The following YAP1 variants were observed in gnomAD, a reference collection of about 807,000 sequenced individuals.
The protein encoded by YAP1 is transcriptional coactivator YAP1.
YAP1 carries 5 observed loss-of-function variants against 56.9 expected under a neutral mutation model. The observed-to-expected ratio is 0.09, with a 90% CI of 0.05 to 0.18. The LOEUF (loss-of-function observed/expected upper bound fraction) is 0.18. Ranked by LOEUF, YAP1 falls within the 10% of genes least tolerant of loss-of-function variation. YAP1 has a pLI of 1.00. For synonymous variants in YAP1, 265 were observed against 248.1 expected, an observed-to-expected ratio of 1.07 and a Z score of -0.64; for missense variants, 539 against 651.8, an observed-to-expected ratio of 0.83 and a Z score of 1.88.
At chr11:102,183,799 G>A (rs369774808) in intron 3 of YAP1, among the ~76,000 whole-genome samples, 2 of 151,698 alleles carry the variant, frequency 1.3e-5, no homozygotes, top group African/African-American at 2.4e-5. Flanking sequence ...AATGAGGGCC[G>A]GGCGCGGTGG....
chr11:102,177,762 G>C (rs1830939780), intron 3 of YAP1, among the ~76,000 whole-genome samples: 1 of 152,082 alleles, frequency 6.6e-6, no homozygotes, highest in Middle Eastern at 3.2e-3. Flanking sequence ...CAAAATATGG[G>C]AACATATCTT....
intron 4 of YAP1, among the ~76,000 whole-genome samples, chr11:102,189,126 G>A (rs1056586058): frequency 6.6e-6 from 1 of 151,786 alleles, no homozygotes; most frequent in African/African-American, 2.4e-5. Flanking sequence ...TCAAGAAAAT[G>A]GTTCCTTGAG....
rs1196220479 is a variant in YAP1, at chr11:102,223,635, G to A, written c.1046G>A (p.Arg349His). The change falls in exon 7 of 9, where the codon CGT becomes CAT. Residue 349 changes from arginine to histidine, a missense_variant. By Grantham distance (29) the Arg-to-His change is conservative. This residue lies in a region of YAP1 where 414 missense variants were observed against 512.4 expected (regional missense o/e 0.81). Transcript: ENST00000282441. ...ATTTTTAATTAGGAGTTAGCCCTGCGTAGCCAGTTACCAACACTGGAGCAG... is the reference window on the plus strand; with the variant it reads ...ATTTTTAATTAGGAGTTAGCCCTGCATAGCCAGTTACCAACACTGGAGCAG... Reference protein sequence around the residue: ...NSPKCQELALRSQLPTLEQDG... With the variant: ...NSPKCQELALHSQLPTLEQDG... The A allele has an allele frequency of 1.9e-6, 3 of 1,613,994 alleles. No individual in the cohort carries two copies. The highest frequency in any genetic ancestry group is 1.7e-5 in the Admixed American group (1 of 59,994).
At chr11:102,115,792 ATG>A (rs1162226713) in intron 2 of YAP1, among the ~76,000 whole-genome samples, 2 of 152,136 alleles carry the variant, frequency 1.3e-5, no homozygotes, top group Non-Finnish European at 2.9e-5. Context: ...GCTGTGAAGG[ATG>A]TGTCTTGAAG....
chr11:102,152,964 C>T (rs1945749965), intron 2 of YAP1, among the ~76,000 whole-genome samples: 1 of 152,152 alleles, frequency 6.6e-6, no homozygotes, highest in South Asian at 2.1e-4. Flanking sequence ...TCCTCAAAGA[C>T]TTGACAGGAG....
At chr11:102,148,309 A>G (rs1180959820) in intron 2 of YAP1, among the ~76,000 whole-genome samples, 1 of 152,160 alleles carries the variant, frequency 6.6e-6, no homozygotes, top group Non-Finnish European at 1.5e-5. Context: ...GCCTAAGAAG[A>G]TCATTGGTTT....
At chr11:102,140,777 A>G (rs1489134377) in intron 2 of YAP1, among the ~76,000 whole-genome samples, 1 of 151,890 alleles carries the variant, frequency 6.6e-6, no homozygotes, top group African/African-American at 2.4e-5. Context: ...TGGGAGGTGG[A>G]GGTTGCAGTG....
At chr11:102,229,647 G>T (rs1487836952) in intron 8 of YAP1, 55 bp from the exon 9 acceptor site, 2 of 1,529,258 alleles carry the variant, frequency 1.3e-6, no homozygotes, top group Non-Finnish European at 9.0e-7. Context: ...ATATGATACA[G>T]CCCTGATGTT....
chr11:102,227,646 A>C (rs2135719372), intron 8 of YAP1, 65 bp downstream of exon 8: 197 of 1,090,774 alleles, frequency 1.8e-4, no homozygotes, highest in Non-Finnish European at 2.5e-4. Flanking sequence ...ACCAGGTCTC[A>C]TAAGGTATTG....
chr11:102,114,074 A>G lies in YAP1; in HGVS notation c.322-70A>G, dbSNP rs569555049. On this transcript the variant is annotated intron_variant, in intron 1 of 8. Coordinates refer to ENST00000282441, the MANE Select transcript of YAP1 (RefSeq NM_001130145.3). Reference sequence around the variant, plus strand: ...GATATTCGGCTGCAATTAAGCGCTGACTGGGAAATTTAAAGGGACTCAGTT... The same window carrying G: ...GATATTCGGCTGCAATTAAGCGCTGGCTGGGAAATTTAAAGGGACTCAGTT... The G allele has an allele frequency of 9.1e-5, 136 of 1,486,508 alleles. 1 individual carries two copies. The highest frequency in any genetic ancestry group is 1.2e-4 in the Non-Finnish European group (132 of 1,112,646). The allele number at this position is 1,486,508 out of a possible 1,614,324, so 92.1% of individuals were successfully genotyped here.
intron 2 of YAP1, among the ~76,000 whole-genome samples, chr11:102,146,810 C>T (rs1390723816): frequency 1.3e-5 from 2 of 152,158 alleles, no homozygotes; most frequent in Non-Finnish European, 2.9e-5. Context: ...AACTTTCATT[C>T]TTGGGTCCAT....
In YAP1 at chr11:102,111,142, G is replaced by A. The variant is rs560921736; in HGVS notation, c.294G>A (p.Pro98=). ...LRKLPDSFFK[P]PEPKSHSRQA... Reference sequence around the variant, plus strand: ...AGCTGCCCGACTCCTTCTTCAAGCCGCCGGAGCCCAAATCCCACTCCCGAC... The same window carrying A: ...AGCTGCCCGACTCCTTCTTCAAGCCACCGGAGCCCAAATCCCACTCCCGAC... The change falls in exon 1 of 9, where the codon CCG becomes CCA. Residue 98 remains proline, a synonymous_variant. Transcript: ENST00000282441. 48 of 1,613,028 alleles carry A rather than the reference G, an allele frequency of 3.0e-5. No homozygotes were observed. The highest frequency in any genetic ancestry group is 4.1e-5 in the Non-Finnish European group (48 of 1,179,834).
chr11:102,190,130 T>A (rs1482031195), intron 4 of YAP1, among the ~76,000 whole-genome samples: 1 of 152,200 alleles, frequency 6.6e-6, no homozygotes, highest in Non-Finnish European at 1.5e-5. Flanking sequence ...TCAAAGCAAG[T>A]CTCTTGATAG....
At position 102,141,241 on chromosome 11, in the gene YAP1, T is replaced by A. The variant is rs1327153272; in HGVS notation, c.573-21215T>A. On this transcript the variant is annotated intron_variant, in intron 2 of 8. Coordinates refer to ENST00000282441, the MANE Select transcript of YAP1 (RefSeq NM_001130145.3). ...TCACTTTGGACTTGATATTGTGTCTTGTGTGCCTAGCATAGAGATGCAGCA... is the reference window on the plus strand; with the variant it reads ...TCACTTTGGACTTGATATTGTGTCTAGTGTGCCTAGCATAGAGATGCAGCA... 8.5e-5 allele frequency among the ~76,000 whole-genome samples: 13 copies of A among 152,342 alleles called. No homozygotes were observed. The East Asian group carries it at 1.9e-3, about 23-fold the overall frequency.
chr11:102,129,818 G>A (rs1437754379), intron 2 of YAP1, among the ~76,000 whole-genome samples: 4 of 102,850 alleles, frequency 3.9e-5, no homozygotes, highest in South Asian at 6.0e-4. Flanking sequence ...TTTTTTTTTC[G>A]AAATGGGGTC....
At chr11:102,156,372 A>G (rs1945944783) in intron 2 of YAP1, among the ~76,000 whole-genome samples, 1 of 152,240 alleles carries the variant, frequency 6.6e-6, no homozygotes, top group African/African-American at 2.4e-5. Flanking sequence ...ATTCATAAAA[A>G]TACCCAGGTG....
At chr11:102,164,045 T>A (rs551005599) in intron 3 of YAP1, among the ~76,000 whole-genome samples, 150 of 152,024 alleles carry the variant, frequency 9.9e-4, no homozygotes, top group African/African-American at 3.5e-3. Flanking sequence ...TTTTTTTTTT[T>A]TTTTTTTATT....
intron 4 of YAP1, among the ~76,000 whole-genome samples, chr11:102,190,336 A>G (rs1948206861): frequency 6.6e-6 from 1 of 152,238 alleles, no homozygotes; most frequent in South Asian, 2.1e-4. Flanking sequence ...CGAGCTAAAA[A>G]TTATTAACAG....
At chr11:102,124,855 T>C (rs1321120149) in intron 2 of YAP1, among the ~76,000 whole-genome samples, 1 of 152,086 alleles carries the variant, frequency 6.6e-6, no homozygotes, top group Non-Finnish European at 1.5e-5. Context: ...CCCTCCTCAG[T>C]GTCCTAAGTA....
Sources: allele counts gnomAD v4.1 joint callset (sites outside exome capture counted in the v4.1 genomes callset), GRCh38; gene constraint gnomAD v4.1.1; regional missense constraint gnomAD v4.1.1; transcripts MANE v1.5; gene names NCBI Gene and HGNC (gene_info 2026-07-23, HGNC 2026-07-21).